The following TEX9 variants were observed in gnomAD, a reference collection of about 807,000 sequenced individuals.
TEX9 encodes the protein testis-expressed protein 9.
A neutral mutation model predicts 59.6 loss-of-function variants in TEX9; 74 were observed. That is an observed-to-expected ratio of 1.24 (90% confidence interval 1.03 to 1.51). TEX9 has a LOEUF of 1.51. Ranked by LOEUF, TEX9 falls within the 40% of genes most tolerant of loss-of-function variation. The pLI, the probability that TEX9 is intolerant of heterozygous loss-of-function variation, is 0.00. For missense variants in TEX9, 522 were observed against 447.8 expected (o/e 1.17, Z -1.49); for synonymous variants, 186 against 152.2 (o/e 1.22, Z -1.64).
intron 8 of TEX9, 67 bp from the exon 9 acceptor site, chr15:56,394,594 T>C: frequency 1.7e-6 from 2 of 1,202,332 alleles, no homozygotes; most frequent in Non-Finnish European, 2.3e-6. Context: ...AACGTCTTTT[T>C]TTCTGCTTTG....
At chr15:56,334,132 G>A (rs531717328) in intron 1 of TEX9, among the ~76,000 whole-genome samples, 49 of 152,028 alleles carry the variant, frequency 3.2e-4, no homozygotes, top group African/African-American at 8.9e-4. Context: ...AAAATACCAC[G>A]GACATTCTTC....
the TEX9 span, among the ~76,000 whole-genome samples, chr15:56,453,559 A>G: frequency 2.6e-5 from 4 of 152,166 alleles, no homozygotes; most frequent in Admixed American, 2.6e-4. Flanking sequence ...GCTGAACTTA[A>G]ATATAAATGA....
intron 12 of TEX9, among the ~76,000 whole-genome samples, chr15:56,431,953 T>A (rs2050609377): frequency 6.6e-6 from 1 of 152,100 alleles, no homozygotes; most frequent in Admixed American, 6.6e-5. Context: ...CTAGTATTTC[T>A]TAGGAAAGTG....
intron 1 of TEX9, chr15:56,249,175 A>G (rs1178266903): frequency 6.6e-6 from 1 of 152,174 alleles, no homozygotes; most frequent in African/African-American, 2.4e-5. Flanking sequence ...TTTGGGTTTT[A>G]TGCTCCTTAT....
At chr15:56,392,362 A>T (rs1486874063) in intron 7 of TEX9, among the ~76,000 whole-genome samples, 1 of 152,130 alleles carries the variant, frequency 6.6e-6, no homozygotes, top group Non-Finnish European at 1.5e-5. Context: ...GGCATCTCAC[A>T]CGGTGGGATC....
chr15:56,443,724 ACT>A (rs1187271863), intron 12 of TEX9: 19 of 1,611,080 alleles, frequency 1.2e-5, no homozygotes, highest in Admixed American at 1.7e-5. Context: ...ATGTTAGCAA[ACT>A]CTATGATTTT....
chr15:56,336,501 A>G (rs1374898262), intron 1 of TEX9, among the ~76,000 whole-genome samples: 4 of 152,232 alleles, frequency 2.6e-5, no homozygotes, highest in Admixed American at 1.3e-4. Context: ...GAGCCCCACC[A>G]TGTTGGCACA....
At chr15:56,421,098 T>C (rs1458050597) in intron 10 of TEX9, among the ~76,000 whole-genome samples, 2 of 151,894 alleles carry the variant, frequency 1.3e-5, no homozygotes, top group African/African-American at 4.9e-5. Flanking sequence ...GTATCTTATG[T>C]ATTTTCTGTG....
upstream of TEX9, among the ~76,000 whole-genome samples, chr15:56,363,393 T>G (rs2046827589): frequency 6.6e-6 from 1 of 151,882 alleles, no homozygotes; most frequent in African/African-American, 2.4e-5. Flanking sequence ...GGTCTCAAAC[T>G]CTTGACCTCT....
intron 1 of TEX9, among the ~76,000 whole-genome samples, chr15:56,251,578 A>C (rs1193592595): frequency 1.3e-5 from 2 of 152,208 alleles, no homozygotes; most frequent in Admixed American, 1.3e-4. Context: ...GAGTAAAAAC[A>C]GTAGCTGAAA....
Position 56,298,170 on chromosome 15 carries a change from T to C in TEX9, c.-107+53892T>C, listed in dbSNP as rs978070882. Among the ~76,000 whole-genome samples the C allele has an allele frequency of 2.0e-5, 3 of 152,334 alleles. No homozygotes were observed. The East Asian group carries it at 5.8e-4, about 29-fold the overall frequency. On this transcript the variant is annotated intron_variant, in intron 1 of 5. Transcript: ENST00000560827. ...ACTACATCTCCTTTACAAAAAAGTATTTGAGACAGTACCACCCTGTTTTCA... is the reference window on the plus strand; with the variant it reads ...ACTACATCTCCTTTACAAAAAAGTACTTGAGACAGTACCACCCTGTTTTCA...
At chr15:56,284,713 G>A (rs1232742701) in intron 1 of TEX9, among the ~76,000 whole-genome samples, 1 of 151,972 alleles carries the variant, frequency 6.6e-6, no homozygotes, top group Non-Finnish European at 1.5e-5. Context: ...CTAAATTGCT[G>A]TAGCTATTTC....
intron 1 of TEX9, among the ~76,000 whole-genome samples, chr15:56,275,095 C>G (rs1395083025): frequency 2.6e-5 from 4 of 152,138 alleles, no homozygotes; most frequent in African/African-American, 9.7e-5. Context: ...GTCCCTATGT[C>G]TAAGGGTGGT....
chr15:56,443,676 G>C, intron 12 of TEX9: 1 of 1,613,142 alleles, frequency 6.2e-7, no homozygotes, highest in Middle Eastern at 1.7e-4. Context: ...TCATTTTCTT[G>C]AACTTTTGCC....
intron 1 of TEX9, chr15:56,323,652 A>T (rs2045950839): frequency 6.3e-6 from 1 of 157,586 alleles, no homozygotes; most frequent in African/African-American, 2.4e-5. Flanking sequence ...GAGGAAGAGG[A>T]ACAAGATGAA....
intron 1 of TEX9, among the ~76,000 whole-genome samples, chr15:56,359,692 A>G (rs1383722610): frequency 1.3e-5 from 2 of 152,118 alleles, no homozygotes; most frequent in Non-Finnish European, 2.9e-5. Context: ...CATGTCATCT[A>G]TACACAAAGA....
chr15:56,417,570 C>CA (rs1555445668), intron 10 of TEX9, among the ~76,000 whole-genome samples: 5 of 151,550 alleles, frequency 3.3e-5, no homozygotes, highest in African/African-American at 9.7e-5. Context: ...GGTATGATTT[C>CA]GTTCTTTTAC....
intron 1 of TEX9, among the ~76,000 whole-genome samples, chr15:56,293,719 G>T (rs1483420822): frequency 6.6e-6 from 1 of 152,202 alleles, no homozygotes; most frequent in East Asian, 1.9e-4. Flanking sequence ...TCAAGCCCTA[G>T]TAAAAACTCT....
chr15:56,399,215 C>T (rs2048644198), intron 9 of TEX9, among the ~76,000 whole-genome samples: 1 of 152,178 alleles, frequency 6.6e-6, no homozygotes, highest in Non-Finnish European at 1.5e-5. Flanking sequence ...CCAAGGGAAG[C>T]CATGACAGAC....
Sources: gnomAD v4.1 joint callset for allele counts (sites outside exome capture counted in the v4.1 genomes callset) on GRCh38, gnomAD v4.1.1 for gene constraint, MANE v1.5 for transcripts, NCBI Gene and HGNC (gene_info 2026-07-23, HGNC 2026-07-21) for gene names.